Variants in CECR2 observed in about 807,000 individuals in gnomAD.
The protein encoded by CECR2 is CECR2 histone acetyl-lysine reader.
In CECR2, 30 loss-of-function variants were observed where a neutral mutation model predicts 154.5. The ratio of observed to expected loss-of-function variants is 0.19; its 90% CI spans 0.15 to 0.26. The LOEUF (loss-of-function observed/expected upper bound fraction) is 0.26, where lower values mean the gene tolerates loss of function less well. Ranked by LOEUF, CECR2 falls within the 10% of genes least tolerant of loss-of-function variation. The pLI is 1.00. For missense variants in CECR2, 1,743 were observed against 1,829.3 expected (o/e 0.95, Z 0.86); for synonymous variants, 725 against 683.7 (o/e 1.06, Z -0.94).
chr22:17,484,336 C>T (rs1194798788), intron 2 of CECR2, among the ~76,000 whole-genome samples: 3 of 152,140 alleles, frequency 2.0e-5, no homozygotes, highest in African/African-American at 7.2e-5. Context: ...ACTAGTGTTA[C>T]AGGTGCACAC....
At position 17,540,897 on chromosome 22, in the gene CECR2, C is replaced by G. The variant is rs750888544; in HGVS notation, c.1884+97C>G. The G allele has an allele frequency of 1.8e-5, 23 of 1,283,362 alleles. No homozygotes were observed. The East Asian group carries it at 5.2e-4, about 29-fold the overall frequency. 79.5% of individuals were successfully genotyped at this position (1,283,362 alleles called of 1,614,324 possible). Reference sequence around the variant, plus strand: ...GTTAGTACTTCCTGCAAAATACTTACGTGTATGTATGGAATCTTTTTCCCT... The same window carrying G: ...GTTAGTACTTCCTGCAAAATACTTAGGTGTATGTATGGAATCTTTTTCCCT... On this transcript the variant is annotated intron_variant, in intron 14 of 18. Transcript: ENST00000262608.
chr22:17,376,161 A>T (rs531967089), intron 1 of CECR2, among the ~76,000 whole-genome samples: 1 of 152,136 alleles, frequency 6.6e-6, no homozygotes, highest in East Asian at 1.9e-4. Context: ...GTAACTCTTT[A>T]AAAGTGAATA....
Position 17,372,081 on chromosome 22 carries a change from G to A in CECR2, c.126+2172G>A, listed in dbSNP as rs574154899. ...CTCTCTTTTGACTCCAGTGTTTCTTGGAAATGACACTTTTTTGGGGCTAAA... is the reference window on the plus strand; with the variant it reads ...CTCTCTTTTGACTCCAGTGTTTCTTAGAAATGACACTTTTTTGGGGCTAAA... On this transcript the variant is annotated intron_variant, in intron 1 of 18. Coordinates refer to ENST00000262608, the MANE Select transcript of CECR2 (RefSeq NM_001290047.2). 3.9e-5 allele frequency among the ~76,000 whole-genome samples: 6 copies of A among 152,186 alleles called. No individual in the cohort carries two copies. In the East Asian group the frequency reaches 1.2e-3, roughly 29 times the overall value.
At chr22:17,463,107 T>G (rs1334268505) in intron 1 of CECR2, among the ~76,000 whole-genome samples, 1 of 152,144 alleles carries the variant, frequency 6.6e-6, no homozygotes, top group Non-Finnish European at 1.5e-5. Flanking sequence ...ACTGGACCTA[T>G]AGAAAGTGAG....
At chr22:17,523,769 A>AAAAAAAG (rs1569140477) in intron 8 of CECR2, among the ~76,000 whole-genome samples, 1 of 150,984 alleles carries the variant, frequency 6.6e-6, no homozygotes, top group African/African-American at 2.4e-5. Context: ...AAAAAAAAAA[A>AAAAAAAG]AAAAAAGAAA....
intron 1 of CECR2, among the ~76,000 whole-genome samples, chr22:17,387,973 G>A (rs372839138): frequency 8.6e-5 from 13 of 151,194 alleles, no homozygotes; most frequent in African/African-American, 2.4e-4. Context: ...GTTTTGTCCC[G>A]AGAGGGAGTC....
At chr22:17,391,516 T>C (rs1442163237) in intron 1 of CECR2, among the ~76,000 whole-genome samples, 1 of 152,220 alleles carries the variant, frequency 6.6e-6, no homozygotes, top group Non-Finnish European at 1.5e-5. Flanking sequence ...CATCTGCATC[T>C]TGGTTGTCTC....
At chr22:17,399,653 C>G (rs1416722069) in intron 1 of CECR2, among the ~76,000 whole-genome samples, 1 of 152,062 alleles carries the variant, frequency 6.6e-6, no homozygotes, top group African/African-American at 2.4e-5. Context: ...CATGATCTGC[C>G]TGCCTTGGCC....
At chr22:17,516,615 T>C (rs1259310082) in intron 8 of CECR2, among the ~76,000 whole-genome samples, 3 of 149,718 alleles carry the variant, frequency 2.0e-5, no homozygotes, top group African/African-American at 7.3e-5. Context: ...TGTTTTGTTT[T>C]GTTTTGAGAC....
At chr22:17,500,947 C>T (rs1194452147) in intron 5 of CECR2, among the ~76,000 whole-genome samples, 2 of 152,170 alleles carry the variant, frequency 1.3e-5, no homozygotes, top group African/African-American at 4.8e-5. Context: ...TAAGCGAGTC[C>T]TCTTACTAGA....
At position 17,557,957 on chromosome 22, in the gene CECR2, T is replaced by C. The variant is rs553622571; in HGVS notation, c.*5117T>C. 3.9e-5 allele frequency: 6 copies of C among 152,352 alleles called. No individual in the cohort carries two copies. The highest frequency in any genetic ancestry group is 1.4e-4 in the African/African-American group (6 of 41,580). The allele number at this position is 152,352 out of a possible 1,614,324, so 9.4% of individuals were successfully genotyped here. On this transcript the variant is annotated 3_prime_UTR_variant, in exon 19 of 19. Transcript: ENST00000262608. The stretch of plus-strand genomic sequence containing the variant: ...AGGGGAATGCTATTTATTTTTATAT[T>C]GTGTATATTTTGTCGTGGTCTGCTG...
At chr22:17,465,722 A>T (rs1390838807) in intron 1 of CECR2, among the ~76,000 whole-genome samples, 3 of 151,986 alleles carry the variant, frequency 2.0e-5, no homozygotes, top group East Asian at 1.9e-4. Context: ...TGACCTCGTG[A>T]TCCCCCCGCC....
chr22:17,376,172 C>T (rs752143725), intron 1 of CECR2, among the ~76,000 whole-genome samples: 8 of 152,064 alleles, frequency 5.3e-5, no homozygotes, highest in Non-Finnish European at 1.0e-4. Flanking sequence ...AAAGTGAATA[C>T]CAGGTCCCCT....
In CECR2 at chr22:17,431,009, G is replaced by A. The variant is rs79991438; in HGVS notation, c.127-46579G>A. On this transcript the variant is annotated intron_variant, in intron 1 of 18. Transcript: ENST00000262608. Reference sequence around the variant, plus strand: ...TAGTTCTTGTGCATGCTGCATGGTCGAGTGCTCACAACTTAAAGGGAATCT... The same window carrying A: ...TAGTTCTTGTGCATGCTGCATGGTCAAGTGCTCACAACTTAAAGGGAATCT... 2.3e-3 allele frequency among the ~76,000 whole-genome samples: 351 copies of A among 152,198 alleles called. 2 individuals carry two copies. Among genetic ancestry groups the A allele is most frequent in the African/African-American group, 8.0e-3 (334 of 41,526 alleles).
At chr22:17,365,516 A>G (rs947170828), upstream of CECR2, among the ~76,000 whole-genome samples, 1 of 151,602 alleles carries the variant, frequency 6.6e-6, no homozygotes, top group Non-Finnish European at 1.5e-5. Context: ...AACACGGTGA[A>G]ACCCCGTCTC....
intron 1 of CECR2, among the ~76,000 whole-genome samples, chr22:17,377,975 C>CGTTTT (rs978946812): frequency 5.1e-4 from 78 of 152,070 alleles, no homozygotes; most frequent in African/African-American, 1.4e-3. Context: ...ATGTTATATG[C>CGTTTT]GTTTTGTTTT....
chr22:17,549,635 CAG>C (rs2056675613), intron 17 of CECR2, 71 bp downstream of exon 17: 1 of 1,326,810 alleles, frequency 7.5e-7, no homozygotes, highest in Non-Finnish European at 1.0e-6. Flanking sequence ...ATTTTTGAGA[CAG>C]AGTCTCACTT....
intron 1 of CECR2, among the ~76,000 whole-genome samples, chr22:17,468,673 C>G (rs1388092294): frequency 1.3e-5 from 2 of 152,092 alleles, no homozygotes; most frequent in African/African-American, 4.8e-5. Flanking sequence ...AACCCTGTCT[C>G]TCCAAAAAAC....
intron 1 of CECR2, among the ~76,000 whole-genome samples, chr22:17,440,878 A>G (rs1411577775): frequency 6.9e-6 from 1 of 145,350 alleles, no homozygotes; most frequent in Non-Finnish European, 1.5e-5. Flanking sequence ...AGTGCCTTGT[A>G]TCTGTTGATG....
Sources: gnomAD v4.1 joint callset for allele counts (sites outside exome capture counted in the v4.1 genomes callset) on GRCh38, gnomAD v4.1.1 for gene constraint, MANE v1.5 for transcripts, NCBI Gene and HGNC (gene_info 2026-07-23, HGNC 2026-07-21) for gene names.